WDR25: variants seen among roughly 807,000 people sequenced by gnomAD.
WDR25 encodes the protein WD repeat domain 25.
WDR25 carries 35 observed loss-of-function variants against 47.7 expected under a neutral mutation model. The ratio of observed to expected loss-of-function variants is 0.73; its 90% CI spans 0.56 to 0.97. The LOEUF (loss-of-function observed/expected upper bound fraction) is 0.97. WDR25 is among the 50% of genes least tolerant of loss of function. WDR25 has a pLI of 0.00. For missense variants in WDR25, 634 were observed against 704.7 expected (o/e 0.90, Z 1.14); for synonymous variants, 248 against 278.9 (o/e 0.89, Z 1.10).
Position 100,478,562 on chromosome 14 carries a change from G to A in WDR25, c.971-5432G>A, listed in dbSNP as rs1220720034. 2.0e-5 allele frequency among the ~76,000 whole-genome samples: 3 copies of A among 152,164 alleles called. No individual in the cohort carries two copies. In the East Asian group the frequency reaches 5.8e-4, roughly 29 times the overall value. On this transcript the variant is annotated intron_variant, in intron 3 of 6. Coordinates refer to ENST00000402312, the MANE Select transcript of WDR25 (RefSeq NM_001161476.3). Reference sequence around the variant, plus strand: ...ACTTACTAAAAAATTTAAAAATCTTGTAGTTTTGAACCCTTTTAACAAAGA... The same window carrying A: ...ACTTACTAAAAAATTTAAAAATCTTATAGTTTTGAACCCTTTTAACAAAGA...
chr14:100,489,371 G>A (rs991016786), intron 4 of WDR25, among the ~76,000 whole-genome samples: 1 of 152,190 alleles, frequency 6.6e-6, no homozygotes, highest in Non-Finnish European at 1.5e-5. Flanking sequence ...AGCTGTACTG[G>A]GCCCTCTAGC....
At chr14:100,528,514 G>A (rs1353142644) in intron 5 of WDR25, among the ~76,000 whole-genome samples, 3 of 144,748 alleles carry the variant, frequency 2.1e-5, no homozygotes, top group African/African-American at 7.8e-5. Context: ...CAAGAGATCC[G>A]CCCGCCTCAG....
chr14:100,413,291 A>G (rs1428402171), intron 2 of WDR25, among the ~76,000 whole-genome samples: 1 of 152,146 alleles, frequency 6.6e-6, no homozygotes. Context: ...CCTGACCCAC[A>G]GTGTTCTGGG....
rs566043439 is a variant in WDR25 at position 100,425,476 on chromosome 14, C to T, written c.823-42545C>T. On this transcript the variant is annotated intron_variant, in intron 2 of 6. Coordinates refer to ENST00000402312, the MANE Select transcript of WDR25 (RefSeq NM_001161476.3). This position sits in a 1 kb window ranked among gnomAD's most constrained non-coding sequence, Gnocchi z 4.8. The stretch of plus-strand genomic sequence containing the variant: ...TTCCAAAGCCCCTGCTCTTTCTACT[C>T]CTTCCCCTAGACTGTGAAATATGTT... Among the ~76,000 whole-genome samples, 2 of 152,356 alleles carry T rather than the reference C, an allele frequency of 1.3e-5. No homozygotes were observed. Among genetic ancestry groups the T allele is most frequent in the East Asian group, 1.9e-4 (1 of 5,186 alleles).
chr14:100,396,130 C>A (rs1273818846), intron 2 of WDR25, among the ~76,000 whole-genome samples: 1 of 152,044 alleles, frequency 6.6e-6, no homozygotes, highest in Non-Finnish European at 1.5e-5. Context: ...GCGCCCACCA[C>A]CACGCCCGGC....
intron 2 of WDR25, among the ~76,000 whole-genome samples, chr14:100,394,304 G>A (rs1482190410): frequency 6.6e-6 from 1 of 152,212 alleles, no homozygotes; most frequent in Admixed American, 6.5e-5. Context: ...ATGGCTGGCA[G>A]TGGTTGAGGT....
rs1016855577 is a variant in WDR25 at position 100,392,645 on chromosome 14, C to T, written c.822+10899C>T. 2.0e-5 allele frequency among the ~76,000 whole-genome samples: 3 copies of T among 152,144 alleles called. No homozygotes were observed. Among genetic ancestry groups the T allele is most frequent in the African/African-American group, 7.2e-5 (3 of 41,430 alleles). ...AGCCTGTCTTTCCATTTAACATTCT[C>T]TCCCAGCCCTGCCCGCGCCACACTG... On this transcript the variant is annotated intron_variant, in intron 2 of 6. Transcript: ENST00000402312. The surrounding 1 kb of genome is among the most constrained non-coding windows in gnomAD (Gnocchi z 4.2).
intron 2 of WDR25, among the ~76,000 whole-genome samples, chr14:100,465,176 G>A (rs753262172): frequency 6.6e-6 from 1 of 151,508 alleles, no homozygotes; most frequent in African/African-American, 2.4e-5. Flanking sequence ...TTGTGTGTGT[G>A]TGTGTATTTT....
At chr14:100,394,904 G>C (rs1897223216) in intron 2 of WDR25, among the ~76,000 whole-genome samples, 1 of 152,158 alleles carries the variant, frequency 6.6e-6, no homozygotes, top group African/African-American at 2.4e-5. Context: ...AGGATTGCTT[G>C]AGCCCAGGAG....
chr14:100,492,403 G>C (rs1162552736), intron 4 of WDR25, among the ~76,000 whole-genome samples: 1 of 152,196 alleles, frequency 6.6e-6, no homozygotes. Flanking sequence ...CCCATGAGCT[G>C]CCAACAAGCT....
At chr14:100,441,486 A>T (rs891154750) in intron 2 of WDR25, among the ~76,000 whole-genome samples, 1 of 152,106 alleles carries the variant, frequency 6.6e-6, no homozygotes, top group Non-Finnish European at 1.5e-5. Context: ...CAGATGCTGG[A>T]AGTGGCAGTG....
At chr14:100,494,485 A>G (rs1354643004) in intron 4 of WDR25, among the ~76,000 whole-genome samples, 4 of 152,198 alleles carry the variant, frequency 2.6e-5, no homozygotes, top group Admixed American at 2.0e-4. Context: ...ATGCCTTACA[A>G]TTCTTTCTTG....
chr14:100,474,926 G>A (rs947545790), intron 3 of WDR25, among the ~76,000 whole-genome samples: 1 of 152,240 alleles, frequency 6.6e-6, no homozygotes, highest in Admixed American at 6.5e-5. Flanking sequence ...AATGCATGAG[G>A]AACTTAACTC....
chr14:100,414,922 A>T (rs1235709640), intron 2 of WDR25, among the ~76,000 whole-genome samples: 3 of 151,220 alleles, frequency 2.0e-5, no homozygotes, highest in Non-Finnish European at 4.4e-5. Context: ...AAAAAAGAAG[A>T]AAAAAAGGTC....
chr14:100,409,016 T>C (rs1485766302), intron 2 of WDR25, among the ~76,000 whole-genome samples: 1 of 152,236 alleles, frequency 6.6e-6, no homozygotes, highest in Non-Finnish European at 1.5e-5. Context: ...TCGAGATAAC[T>C]GAGATCAGTG....
intron 5 of WDR25, among the ~76,000 whole-genome samples, chr14:100,527,419 TA>T: frequency 6.6e-6 from 1 of 152,352 alleles, no homozygotes; most frequent in African/African-American, 2.4e-5. Flanking sequence ...TCTCTGAATT[TA>T]AAACTGTATG....
intron 4 of WDR25, among the ~76,000 whole-genome samples, chr14:100,518,628 C>G (rs989597770): frequency 2.0e-5 from 3 of 152,116 alleles, no homozygotes; most frequent in African/African-American, 7.2e-5. Context: ...CGGTGGCTCA[C>G]ACCTGTAATC....
chr14:100,529,646 T>C lies in WDR25; in HGVS notation c.1414-174T>C, dbSNP rs1327586314. On this transcript the variant is annotated intron_variant, in intron 6 of 6. Transcript: ENST00000402312. This position sits in a 1 kb window ranked among gnomAD's most constrained non-coding sequence, Gnocchi z 5.1. Reference sequence around the variant, plus strand: ...ACTGGCCTTGGGATGTGGGCCCGCATCAGGGCTCTACAGCCTCATGGGCGG... The same window carrying C: ...ACTGGCCTTGGGATGTGGGCCCGCACCAGGGCTCTACAGCCTCATGGGCGG... 15 of 712,596 alleles carry C rather than the reference T, an allele frequency of 2.1e-5. No homozygotes were observed. In the East Asian group the frequency reaches 4.1e-4, roughly 19 times the overall value. 44.1% of individuals were successfully genotyped at this position (712,596 alleles called of 1,614,324 possible).
At position 100,428,006 on chromosome 14, in the gene WDR25, C is replaced by T. The variant is rs569300533; in HGVS notation, c.823-40015C>T. Among the ~76,000 whole-genome samples, 4 of 152,342 alleles carry T rather than the reference C, an allele frequency of 2.6e-5. No individual in the cohort carries two copies. Among genetic ancestry groups the T allele is most frequent in the Non-Finnish European group, 5.9e-5 (4 of 68,026 alleles). The stretch of plus-strand genomic sequence containing the variant: ...TGCCCTCAGGCTGAGGCTCCTTCTA[C>T]GAGGCTGGAAGCCTTTTCCTCCTGA... On this transcript the variant is annotated intron_variant, in intron 2 of 6. Coordinates refer to ENST00000402312, the MANE Select transcript of WDR25 (RefSeq NM_001161476.3). This position sits in a 1 kb window ranked among gnomAD's most constrained non-coding sequence, Gnocchi z 4.3.
Sources: allele counts gnomAD v4.1 joint callset (sites outside exome capture counted in the v4.1 genomes callset), GRCh38; gene constraint gnomAD v4.1.1; non-coding constraint Gnocchi (gnomAD v3.1); transcripts MANE v1.5; gene names NCBI Gene and HGNC (gene_info 2026-07-23, HGNC 2026-07-21).